The following RBFOX1 variants were observed in gnomAD, a reference collection of about 807,000 sequenced individuals.
The protein encoded by RBFOX1 is RNA binding protein fox-1 homolog 1.
A neutral mutation model predicts 57.7 loss-of-function variants in RBFOX1; 8 were observed. The ratio of observed to expected loss-of-function variants is 0.14; its 90% CI spans 0.08 to 0.25. The LOEUF is 0.25. Ranked by LOEUF, RBFOX1 falls within the 10% of genes least tolerant of loss-of-function variation. The pLI, the probability that RBFOX1 is intolerant of heterozygous loss-of-function variation, is 1.00. For synonymous variants in RBFOX1, 326 were observed against 222.4 expected (o/e 1.47, Z -4.15); for missense variants, 611 against 548.5 (o/e 1.11, Z -1.14).
At position 6,295,154 on chromosome 16, in the gene RBFOX1, T is replaced by C. The variant is rs1293690884; in HGVS notation, c.-126-21841T>C. ...GACGGGGTATCTCTCTGTCGGAGTC[T>C]CTCTCCATCGCCAGGCTGGAGTGCA... On this transcript the variant is annotated intron_variant, in intron 1 of 15. Transcript: ENST00000550418. Among the ~76,000 whole-genome samples the C allele has an allele frequency of 2.1e-5, 3 of 140,448 alleles. No homozygotes were observed. In the East Asian group the frequency reaches 6.8e-4, roughly 32 times the overall value. The allele number at this position is 140,448 out of a possible 152,430, so 92.1% of individuals were successfully genotyped here. A position where few individuals can be genotyped will look rare whatever the true frequency, so the allele number is the denominator to read the frequency against.
At chr16:6,090,359 A>G (rs1248260943) in intron 1 of RBFOX1, among the ~76,000 whole-genome samples, 1 of 152,156 alleles carries the variant, frequency 6.6e-6, no homozygotes, top group East Asian at 1.9e-4. Context: ...CATGACATGC[A>G]CATCTTTAAG....
intron 3 of RBFOX1, among the ~76,000 whole-genome samples, chr16:5,708,859 G>T (rs544831738): frequency 6.6e-6 from 1 of 152,258 alleles, no homozygotes; most frequent in South Asian, 2.1e-4. Context: ...GAAGAAACAT[G>T]TCTGTCATTA....
chr16:6,947,994 G>A (rs537135775), intron 3 of RBFOX1, among the ~76,000 whole-genome samples: 1 of 152,168 alleles, frequency 6.6e-6, no homozygotes, highest in African/African-American at 2.4e-5. Flanking sequence ...TGCCAGGTTG[G>A]TCTCAAACTC....
At chr16:5,246,934 G>C (rs975165299) in intron 1 of RBFOX1, among the ~76,000 whole-genome samples, 1 of 152,148 alleles carries the variant, frequency 6.6e-6, no homozygotes, top group Non-Finnish European at 1.5e-5. Context: ...GCCTCCCAAA[G>C]TGCTGGGATT....
At chr16:6,121,169 A>G (rs2096546213) in intron 1 of RBFOX1, among the ~76,000 whole-genome samples, 1 of 152,180 alleles carries the variant, frequency 6.6e-6, no homozygotes. Flanking sequence ...CCAACCCATC[A>G]AAATACATGC....
chr16:7,027,933 A>T (rs1213064213), intron 3 of RBFOX1, among the ~76,000 whole-genome samples: 1 of 151,644 alleles, frequency 6.6e-6, no homozygotes, highest in African/African-American at 2.4e-5. Flanking sequence ...AAGAGAAGGA[A>T]GGAGGGAGAG....
chr16:7,476,268 T>C (rs543317975), intron 4 of RBFOX1, among the ~76,000 whole-genome samples: 1 of 152,212 alleles, frequency 6.6e-6, no homozygotes, highest in Non-Finnish European at 1.5e-5. Flanking sequence ...CCATAACTTC[T>C]GGCCTAGTCA....
chr16:6,632,142 T>G (rs180831924), intron 2 of RBFOX1, among the ~76,000 whole-genome samples: 11 of 152,308 alleles, frequency 7.2e-5, no homozygotes, highest in Admixed American at 7.2e-4. Flanking sequence ...ACACAGTTAC[T>G]GCATCTCTGT....
intron 3 of RBFOX1, among the ~76,000 whole-genome samples, chr16:5,754,176 T>G (rs2053314709): frequency 6.6e-6 from 1 of 152,190 alleles, no homozygotes. Flanking sequence ...GCCGGAATAG[T>G]TTTGAATCCC....
At chr16:5,915,553 T>G (rs55842220) in intron 4 of RBFOX1, among the ~76,000 whole-genome samples, 6,958 of 152,142 alleles carry the variant, frequency 0.046, 575 homozygotes, top group African/African-American at 0.16. Context: ...GAAGACAGGC[T>G]GGGCGCCGTG....
chr16:6,558,729 G>T (rs1280394979), intron 2 of RBFOX1, among the ~76,000 whole-genome samples: 1 of 152,024 alleles, frequency 6.6e-6, no homozygotes, highest in Non-Finnish European at 1.5e-5. Flanking sequence ...CTCTCACACA[G>T]GTAAAGAACG....
chr16:5,689,037 T>A (rs984781), intron 3 of RBFOX1, among the ~76,000 whole-genome samples: 87,649 of 152,124 alleles, frequency 0.58, 28,847 homozygotes, highest in Non-Finnish European at 0.75. Flanking sequence ...AGGATTTTAT[T>A]TTGACATCTT....
chr16:6,332,524 G>A (rs1166336321), intron 2 of RBFOX1, among the ~76,000 whole-genome samples: 1 of 152,202 alleles, frequency 6.6e-6, no homozygotes, highest in East Asian at 1.9e-4. Context: ...TGTGACGATA[G>A]CTAGTTGATT....
chr16:7,213,352 A>T (rs1450849885), intron 4 of RBFOX1, among the ~76,000 whole-genome samples: 1 of 152,186 alleles, frequency 6.6e-6, no homozygotes, highest in Admixed American at 6.5e-5. Flanking sequence ...TAATTTTAGG[A>T]ATACGGGACT....
chr16:6,988,301 C>G (rs910955147), intron 3 of RBFOX1, among the ~76,000 whole-genome samples: 1 of 152,214 alleles, frequency 6.6e-6, no homozygotes, highest in Non-Finnish European at 1.5e-5. Context: ...GCAGTGTAGT[C>G]TATTGGAGTT....
Position 6,575,145 on chromosome 16 carries a change from C to G in RBFOX1, c.-63-79458C>G, listed in dbSNP as rs544200232. On this transcript the variant is annotated intron_variant, in intron 2 of 15. Transcript: ENST00000550418. ...CAAGGCGACAGGACAGATTACGACA[C>G]GTTGTTTGAAATCTGCCTTTAGAAA... Among the ~76,000 whole-genome samples, 430 of 151,766 alleles carry G rather than the reference C, an allele frequency of 2.8e-3. 5 individuals are homozygous for G. Among genetic ancestry groups the G allele is most frequent in the Non-Finnish European group, 4.3e-3 (295 of 67,996 alleles).
chr16:6,775,119 A>G (rs2079086397), intron 3 of RBFOX1, among the ~76,000 whole-genome samples: 1 of 150,896 alleles, frequency 6.6e-6, no homozygotes. Flanking sequence ...AGGTCAGGAG[A>G]TCCAGACCAT....
rs1568626644 is a variant in RBFOX1, at chr16:7,711,109, A to AGCTG, written c.*364_*365insGCTG. ...TATTAAGCTACTGGGGTTATCAGCT[A>AGCTG]TTTGGGAAGAGTGTAAGTGACTACA... is the stretch of plus-strand genomic sequence containing the variant. On this transcript the variant is annotated 3_prime_UTR_variant, in exon 16 of 16. Coordinates refer to ENST00000550418, the MANE Select transcript of RBFOX1 (RefSeq NM_018723.4). The AGCTG allele has an allele frequency of 6.1e-6, 1 of 164,096 alleles. No homozygotes were observed. Among genetic ancestry groups the AGCTG allele is most frequent in the Non-Finnish European group, 1.3e-5 (1 of 76,228 alleles). The allele number at this position is 164,096 out of a possible 1,614,324, so 10.2% of individuals were successfully genotyped here.
At position 7,234,042 on chromosome 16, in the gene RBFOX1, T is replaced by G. The variant is rs76014300; in HGVS notation, c.27+181944T>G. 9.4e-3 allele frequency among the ~76,000 whole-genome samples: 1,436 copies of G among 152,260 alleles called. 17 individuals are homozygous for G. Among genetic ancestry groups the G allele is most frequent in the African/African-American group, 0.033 (1,365 of 41,544 alleles). ...CTGAGACAACATCAAGGAGTTACAT[T>G]ATCATGAGAAGAGAGGGGTTGCATG... On this transcript the variant is annotated intron_variant, in intron 4 of 15. Transcript: ENST00000550418.
Sources: allele counts gnomAD v4.1 joint callset (sites outside exome capture counted in the v4.1 genomes callset), GRCh38; gene constraint gnomAD v4.1.1; transcripts MANE v1.5; gene names NCBI Gene and HGNC (gene_info 2026-07-23, HGNC 2026-07-21).